DHX9: variants seen among roughly 807,000 people sequenced by gnomAD.
DHX9 encodes DExH-box helicase 9, also known as ATP-dependent RNA helicase A.
In DHX9, 27 loss-of-function variants were observed where a neutral mutation model predicts 148.7. The observed-to-expected ratio is 0.18, with a 90% CI of 0.13 to 0.25. The LOEUF (loss-of-function observed/expected upper bound fraction) is 0.25. Among genes scored for constraint, DHX9 ranks in the 10% least tolerant of loss-of-function variants. The pLI is 1.00. For missense variants in DHX9, 796 were observed against 1,559.6 expected (o/e 0.51, Z 8.25); for synonymous variants, 529 against 516.6 (o/e 1.02, Z -0.33).
rs113525157 is a variant in DHX9 at position 182,858,701 on chromosome 1, A to G, written c.901-32A>G. On this transcript the variant is annotated intron_variant, in intron 9 of 27. Coordinates refer to ENST00000367549, the MANE Select transcript of DHX9 (RefSeq NM_001357.5). ...AACTCTCCGTAGACAAGCAAATCATATTTTTTGTTTGTTTTTCTTATTTTT... is the reference window on the plus strand; with the variant it reads ...AACTCTCCGTAGACAAGCAAATCATGTTTTTTGTTTGTTTTTCTTATTTTT... 2.4e-4 allele frequency: 388 copies of G among 1,612,906 alleles called. 2 individuals are homozygous for G. The African/African-American group carries it at 4.3e-3, about 18-fold the overall frequency.
chr1:182,880,189 G>T (rs1235118351), intron 21 of DHX9, among the ~76,000 whole-genome samples: 1 of 152,092 alleles, frequency 6.6e-6, no homozygotes, highest in Non-Finnish European at 1.5e-5. Flanking sequence ...CTGGGTATCA[G>T]ACTTCTTATG....
intron 3 of DHX9, among the ~76,000 whole-genome samples, chr1:182,850,641 A>G (rs775004456): frequency 9.2e-5 from 14 of 152,160 alleles, no homozygotes; most frequent in Non-Finnish European, 1.5e-4. Context: ...GTGAGAATAG[A>G]AAAAGAAATA....
chr1:182,839,418 A>G lies in DHX9; in HGVS notation c.-61A>G, dbSNP rs1318274991. Reference sequence around the variant, plus strand: ...TGTCTCGGTAGAAGGCCAGAGTCACACACGGTCCTAAGAGCTGGGCACCAG... The same window carrying G: ...TGTCTCGGTAGAAGGCCAGAGTCACGCACGGTCCTAAGAGCTGGGCACCAG... On this transcript the variant is annotated 5_prime_UTR_variant, in exon 1 of 28. Coordinates refer to ENST00000367549, the MANE Select transcript of DHX9 (RefSeq NM_001357.5). The G allele has an allele frequency of 6.6e-6, 1 of 152,450 alleles. No individual in the cohort carries two copies. The highest frequency in any genetic ancestry group is 1.5e-5 in the Non-Finnish European group (1 of 68,110). The allele number at this position is 152,450 out of a possible 1,614,324, so 9.4% of individuals were successfully genotyped here.
chr1:182,869,225 C>T (rs1263681807), intron 14 of DHX9, among the ~76,000 whole-genome samples: 1 of 152,168 alleles, frequency 6.6e-6, no homozygotes, highest in African/African-American at 2.4e-5. Context: ...GTGTACTATT[C>T]ACAGTGAAAC....
At chr1:182,858,444 C>A in intron 8 of DHX9, 107 bp from the exon 9 acceptor site, 1 of 1,142,470 alleles carries the variant, frequency 8.8e-7, no homozygotes, top group Non-Finnish European at 1.3e-6. Context: ...CAAAAGGGAA[C>A]TGACTATTGG....
At position 182,884,903 on chromosome 1, in the gene DHX9, ATTAC is replaced by A. The variant is rs974497112; in HGVS notation, c.3461+94_3461+97del. ...TCCTGAAGTTAGTGATAGAAGCCCTATTACTTAAGTAAAATTCTAGATATAGATA... is the reference window on the plus strand; with the variant it reads ...TCCTGAAGTTAGTGATAGAAGCCCTATTAAGTAAAATTCTAGATATAGATA... On this transcript the variant is annotated intron_variant, in intron 27 of 27. Transcript: ENST00000367549. 1.4e-4 allele frequency: 170 copies of A among 1,230,904 alleles called. No homozygotes were observed. The South Asian group carries it at 1.6e-3, about 12-fold the overall frequency. The allele number at this position is 1,230,904 out of a possible 1,614,324, so 76.2% of individuals were successfully genotyped here. A position where few individuals can be genotyped will look rare whatever the true frequency, so the allele number is the denominator to read the frequency against.
At chr1:182,866,164 C>G (rs530236006) in intron 12 of DHX9, among the ~76,000 whole-genome samples, 3 of 152,304 alleles carry the variant, frequency 2.0e-5, no homozygotes, top group East Asian at 3.9e-4. Context: ...AACAAACCCC[C>G]CTACGTATGC....
chr1:182,846,665 A>G (rs1668035801), intron 3 of DHX9, among the ~76,000 whole-genome samples: 1 of 151,786 alleles, frequency 6.6e-6, no homozygotes, highest in South Asian at 2.1e-4. Context: ...TTTTCCTGTT[A>G]TTTTTGGTTT....
At chr1:182,840,788 T>C (rs2102584353) in intron 1 of DHX9, among the ~76,000 whole-genome samples, 1 of 152,292 alleles carries the variant, frequency 6.6e-6, no homozygotes, top group Admixed American at 6.5e-5. Flanking sequence ...AAGGGATAGC[T>C]ATGGAGAATC....
chr1:182,852,449 G>C (rs1367094019), intron 4 of DHX9, 105 bp downstream of exon 4: 1 of 705,096 alleles, frequency 1.4e-6, no homozygotes, highest in Non-Finnish European at 2.3e-6. Context: ...GTAAACTCTT[G>C]ATGTTAAGAG....
chr1:182,872,305 AT>A, intron 14 of DHX9, 31 bp from the exon 15 acceptor site: 1 of 1,583,838 alleles, frequency 6.3e-7, no homozygotes, highest in Non-Finnish European at 8.6e-7. Flanking sequence ...ACTTAATGTA[AT>A]TTCAAAAATT....
Position 182,859,020 on chromosome 1 carries a change from G to A in DHX9, c.1063-20G>A, listed in dbSNP as rs771603690. On this transcript the variant is annotated intron_variant, in intron 10 of 27. Coordinates refer to ENST00000367549, the MANE Select transcript of DHX9 (RefSeq NM_001357.5). Reference sequence around the variant, plus strand: ...GAATTATGTGCTTTTGTTTGACTATGTTGGCTTTTTGTTTTACAGGCTACT... The same window carrying A: ...GAATTATGTGCTTTTGTTTGACTATATTGGCTTTTTGTTTTACAGGCTACT... 6.2e-6 allele frequency: 10 copies of A among 1,613,146 alleles called. No individual in the cohort carries two copies. Among genetic ancestry groups the A allele is most frequent in the Non-Finnish European group, 7.6e-6 (9 of 1,179,730 alleles).
intron 15 of DHX9, among the ~76,000 whole-genome samples, chr1:182,873,899 C>G (rs1009125678): frequency 6.6e-6 from 1 of 151,932 alleles, no homozygotes; most frequent in Non-Finnish European, 1.5e-5. Flanking sequence ...AAGGAGGTGC[C>G]TAAAAGAAGC....
chr1:182,852,384 T>TA (rs761946661), intron 4 of DHX9, 40 bp downstream of exon 4: 15 of 1,391,168 alleles, frequency 1.1e-5, no homozygotes, highest in African/African-American at 1.4e-5. Flanking sequence ...GAGAATAAGA[T>TA]ATACACAATC....
Position 182,884,637 on chromosome 1 carries a change from A to G in DHX9, c.3285A>G (p.Glu1095=). ...DDWIKLQISH[E]AAACITGLRA... is the part of the protein sequence containing the mutation. Reference sequence around the variant, plus strand: ...GGATTAAACTGCAAATATCTCATGAAGCTGCTGCCTGTATCACTGGTCTCC... The same window carrying G: ...GGATTAAACTGCAAATATCTCATGAGGCTGCTGCCTGTATCACTGGTCTCC... The change falls in exon 27 of 28, where the codon GAA becomes GAG. Residue 1095 remains glutamate, a synonymous_variant. Coordinates refer to ENST00000367549, the MANE Select transcript of DHX9 (RefSeq NM_001357.5). 6.2e-7 allele frequency: 1 copy of G among 1,614,164 alleles called. No individual in the cohort carries two copies. The highest frequency in any genetic ancestry group is 1.1e-5 in the South Asian group (1 of 91,080).
At chr1:182,883,895 A>AAC (rs1259399535) in intron 26 of DHX9, among the ~76,000 whole-genome samples, 1 of 152,204 alleles carries the variant, frequency 6.6e-6, no homozygotes, top group Non-Finnish European at 1.5e-5. Context: ...ATTGATTCAA[A>AAC]ACTAGTGGTA....
intron 3 of DHX9, among the ~76,000 whole-genome samples, chr1:182,849,547 C>T (rs149801087): frequency 2.6e-5 from 4 of 152,208 alleles, no homozygotes; most frequent in Admixed American, 2.0e-4. Flanking sequence ...GTGTTGATGG[C>T]GTCTAGTGGG....
chr1:182,853,405 A>G lies in DHX9; in HGVS notation c.464A>G (p.Gln155Arg), dbSNP rs1301856575. ...GATTACTACTCAAGAAAGGAAGAAC[A>G]AGAAGTGCAAGCGGTAAGGCCAGCA... is the stretch of plus-strand genomic sequence containing the variant. ...LKDYYSRKEE[Q>R]EVQATLESEE... Residue 155 changes from glutamine (Q) to arginine (R), a missense_variant, in exon 5 of 28, where the codon CAA becomes CGA. Transcript: ENST00000367549. The G allele has an allele frequency of 6.2e-7, 1 of 1,613,754 alleles. No individual in the cohort carries two copies. The highest frequency in any genetic ancestry group is 8.5e-7 in the Non-Finnish European group (1 of 1,179,778).
Position 182,887,458 on chromosome 1 carries a change from G to A in DHX9, c.*24G>A, listed in dbSNP as rs762475408. ...AAAACTTGGTTATGTCAGTTCCTGTGTGTAGACAGTAAGGAAAAAAAGGCA... is the reference window on the plus strand; with the variant it reads ...AAAACTTGGTTATGTCAGTTCCTGTATGTAGACAGTAAGGAAAAAAAGGCA... On this transcript the variant is annotated 3_prime_UTR_variant, in exon 28 of 28. Coordinates refer to ENST00000367549, the MANE Select transcript of DHX9 (RefSeq NM_001357.5). The A allele has an allele frequency of 3.8e-6, 6 of 1,588,354 alleles. No homozygotes were observed. In the Admixed American group the frequency reaches 8.8e-5, roughly 23 times the overall value.
Sources: allele counts gnomAD v4.1 joint callset (sites outside exome capture counted in the v4.1 genomes callset), GRCh38; gene constraint gnomAD v4.1.1; transcripts MANE v1.5; gene names NCBI Gene and HGNC (gene_info 2026-07-23, HGNC 2026-07-21).